SPRYD3: variants seen among roughly 807,000 people sequenced by gnomAD.
SPRYD3 encodes the protein SPRY domain containing 3.
SPRYD3 carries 17 observed loss-of-function variants against 50.1 expected under a neutral mutation model. That is an observed-to-expected ratio of 0.34 (90% CI 0.23 to 0.51). The LOEUF (loss-of-function observed/expected upper bound fraction) is 0.51. Ranked by LOEUF, SPRYD3 falls within the 20% of genes least tolerant of loss-of-function variation. The pLI, the probability that SPRYD3 is intolerant of heterozygous loss-of-function variation, is 0.97. For synonymous variants in SPRYD3, 198 were observed against 215.5 expected, an observed-to-expected ratio of 0.92 and a Z score of 0.71; for missense variants, 401 against 591.2, an observed-to-expected ratio of 0.68 and a Z score of 3.34.
Position 53,074,607 on chromosome 12 carries a change from C to T in SPRYD3, c.507+42G>A, listed in dbSNP as rs1944574762. On this transcript the variant is annotated intron_variant, in intron 5 of 10. Coordinates refer to ENST00000301463, the MANE Select transcript of SPRYD3 (RefSeq NM_032840.3). This position sits in a 1 kb window ranked among gnomAD's most constrained non-coding sequence, Gnocchi z 4.6. ...TAATCACTCCCCACAAATCCTTGGG[C>T]AGATTTCAGCCACGTAAATCCCACC... 6.2e-7 allele frequency: 1 copy of T among 1,612,960 alleles called. No individual in the cohort carries two copies.
In SPRYD3 at chr12:53,074,530, TG is replaced by T; in HGVS notation, c.507+118del. On this transcript the variant is annotated intron_variant, in intron 5 of 10. Transcript: ENST00000301463. This position sits in a 1 kb window ranked among gnomAD's most constrained non-coding sequence, Gnocchi z 4.6. ...GAATCTGAGGCTGGACTGGAGGAGATGGGAACTCAGTGCAAGGGTCCCTGGG... is the reference window on the plus strand; with the variant it reads ...GAATCTGAGGCTGGACTGGAGGAGATGGAACTCAGTGCAAGGGTCCCTGGG... The T allele has an allele frequency of 8.2e-7, 1 of 1,223,730 alleles. No homozygotes were observed. The highest frequency in any genetic ancestry group is 1.3e-5 in the South Asian group (1 of 74,268). The allele number at this position is 1,223,730 out of a possible 1,614,324, so 75.8% of individuals were successfully genotyped here.
Position 53,078,227 on chromosome 12 carries a change from G to T in SPRYD3, c.24-966C>A, listed in dbSNP as rs143715865. On this transcript the variant is annotated intron_variant, in intron 1 of 10. Coordinates refer to ENST00000301463, the MANE Select transcript of SPRYD3 (RefSeq NM_032840.3). ...CATGATCCTGGGCCTGGTGGCTCAC[G>T]TCTGTGATCCCAGCACTTTGGGAGG... The T allele has an allele frequency of 6.7e-5, 24 of 357,554 alleles. 1 individual carries two copies. Among genetic ancestry groups the T allele is most frequent in the African/African-American group, 4.7e-4 (22 of 46,338 alleles). The allele number at this position is 357,554 out of a possible 1,614,324, so 22.1% of individuals were successfully genotyped here.
chr12:53,066,504 C>A lies in SPRYD3; in HGVS notation c.1022-18G>T, dbSNP rs939892305. ...ACTGTCCCCTAGGAGACCAGGAAAC[C>A]TGAGCTCCTGTGGTGCCTTTCCACC... is the stretch of plus-strand genomic sequence containing the variant. On this transcript the variant is annotated intron_variant, in intron 9 of 10. Transcript: ENST00000301463. 1 of 1,614,034 alleles carries A rather than the reference C, an allele frequency of 6.2e-7. No individual in the cohort carries two copies. The highest frequency in any genetic ancestry group is 1.3e-5 in the African/African-American group (1 of 74,928).
At chr12:53,078,600 T>C (rs948912621) in intron 1 of SPRYD3, among the ~76,000 whole-genome samples, 3 of 152,124 alleles carry the variant, frequency 2.0e-5, no homozygotes, top group African/African-American at 7.2e-5. Context: ...ATTCAGACGT[T>C]GTTGCAGCAG....
At position 53,064,756 on chromosome 12, in the gene SPRYD3, A is replaced by C. The variant is rs1944486548; in HGVS notation, c.*1076T>G. The C allele has an allele frequency of 6.5e-6, 1 of 152,840 alleles. No homozygotes were observed. Among genetic ancestry groups the C allele is most frequent in the Admixed American group, 6.5e-5 (1 of 15,286 alleles). The allele number at this position is 152,840 out of a possible 1,614,324, so 9.5% of individuals were successfully genotyped here. On this transcript the variant is annotated 3_prime_UTR_variant, in exon 11 of 11. Transcript: ENST00000301463. ...CAGCCCTACCCGCTCTGTGCAAACCAAGGCCAACAGCTCCTGCTGCCTCTT... is the reference window on the plus strand; with the variant it reads ...CAGCCCTACCCGCTCTGTGCAAACCCAGGCCAACAGCTCCTGCTGCCTCTT...
At position 53,066,641 on chromosome 12, in the gene SPRYD3, C is replaced by T. The variant is rs1944511020; in HGVS notation, c.953G>A (p.Arg318His). ...GCCCATGATGTCCCCTTTGTAACAG[C>T]GTGGCCCAAAGGGGTCCCCCACACC... is the stretch of plus-strand genomic sequence containing the variant. ...GSGVGDPFGP[R>H]CYKGDIMGCG... Residue 318 changes from arginine (R) to histidine (H), a missense_variant, in exon 9 of 11, where the codon CGC becomes CAC. Arg to His is a conservative substitution (Grantham distance 29, BLOSUM62 0). Transcript: ENST00000301463. The T allele has an allele frequency of 1.4e-5, 23 of 1,613,884 alleles. No individual in the cohort carries two copies. Among genetic ancestry groups the T allele is most frequent in the Non-Finnish European group, 1.9e-5 (22 of 1,179,868 alleles).
At position 53,068,342 on chromosome 12, in the gene SPRYD3, C is replaced by G. The variant is rs367911323; in HGVS notation, c.694-38G>C. 1.8e-5 allele frequency: 29 copies of G among 1,607,348 alleles called. No homozygotes were observed. In the African/African-American group the frequency reaches 3.3e-4, roughly 18 times the overall value. ...AGCCAGATGGGGGTCAGGGGACAGGCTGACACCCACCCTGGAAACCTGGGC... is the reference window on the plus strand; with the variant it reads ...AGCCAGATGGGGGTCAGGGGACAGGGTGACACCCACCCTGGAAACCTGGGC... On this transcript the variant is annotated intron_variant, in intron 6 of 10. Coordinates refer to ENST00000301463, the MANE Select transcript of SPRYD3 (RefSeq NM_032840.3).
At chr12:53,076,406 T>A (rs1944589008) in intron 2 of SPRYD3, among the ~76,000 whole-genome samples, 1 of 150,330 alleles carries the variant, frequency 6.7e-6, no homozygotes, top group Non-Finnish European at 1.5e-5. Flanking sequence ...AATACAGGAG[T>A]TGGTGGACAG....
chr12:53,075,377 T>C (rs1350407140), intron 3 of SPRYD3, among the ~76,000 whole-genome samples, 158 bp from the exon 4 acceptor site: 2 of 152,138 alleles, frequency 1.3e-5, no homozygotes, highest in African/African-American at 4.8e-5. Flanking sequence ...GAGGGGGCAA[T>C]TGGTGAGAGT....
At chr12:53,066,242 T>TA (rs1944505179) in intron 10 of SPRYD3, 72 bp downstream of exon 10, 1 of 1,564,950 alleles carries the variant, frequency 6.4e-7, no homozygotes, top group Admixed American at 1.7e-5. Context: ...TTGTGAGTTC[T>TA]GTTCCCCACT....
intron 2 of SPRYD3, among the ~76,000 whole-genome samples, chr12:53,076,670 G>A (rs1253093673): frequency 6.6e-6 from 1 of 152,226 alleles, no homozygotes; most frequent in African/African-American, 2.4e-5. Context: ...GCAGAGGTGA[G>A]TGCAGGGTGA....
chr12:53,070,820 C>G (rs1944544246), intron 6 of SPRYD3, among the ~76,000 whole-genome samples: 1 of 152,222 alleles, frequency 6.6e-6, no homozygotes, highest in Non-Finnish European at 1.5e-5. Context: ...GACAACTCTA[C>G]CCTATGTGTC....
Position 53,074,857 on chromosome 12 carries a change from G to GCCTCAT in SPRYD3, c.372-79_372-74dup. ...CTTCTCCCCAGCACTGACAGCAGAG[G>GCCTCAT]CCTCATCCTCATCTTGCTGCTCCTG... On this transcript the variant is annotated intron_variant, in intron 4 of 10. Transcript: ENST00000301463. The surrounding 1 kb of genome is among the most constrained non-coding windows in gnomAD (Gnocchi z 4.6). 2 of 1,561,494 alleles carry GCCTCAT rather than the reference G, an allele frequency of 1.3e-6. No homozygotes were observed. Among genetic ancestry groups the GCCTCAT allele is most frequent in the African/African-American group, 1.4e-5 (1 of 73,938 alleles).
intron 1 of SPRYD3, among the ~76,000 whole-genome samples, chr12:53,077,744 C>T (rs1170931824): frequency 1.3e-5 from 2 of 152,108 alleles, no homozygotes; most frequent in African/African-American, 4.8e-5. Flanking sequence ...CAGAAAAAGG[C>T]ATGGACAGCT....
Position 53,075,142 on chromosome 12 carries a change from C to T in SPRYD3, c.324G>A (p.Gln108=). 1 of 1,614,018 alleles carries T rather than the reference C, an allele frequency of 6.2e-7. No individual in the cohort carries two copies. Among genetic ancestry groups the T allele is most frequent in the South Asian group, 1.1e-5 (1 of 91,084 alleles). The change falls in exon 4 of 11, where the codon CAG becomes CAA. Residue 108 remains glutamine (Q), a synonymous_variant. Coordinates refer to ENST00000301463, the MANE Select transcript of SPRYD3 (RefSeq NM_032840.3). The part of the protein sequence containing the change: ...LVPQYYSLDH[Q]PGWLPDSVAY... ...CTACAGAGTCAGGCAACCAGCCAGGCTGGTGATCCAAGCTGTAGTACTGAG... is the reference window on the plus strand; with the variant it reads ...CTACAGAGTCAGGCAACCAGCCAGGTTGGTGATCCAAGCTGTAGTACTGAG...
chr12:53,066,830 A>AG, intron 8 of SPRYD3, 138 bp from the exon 9 acceptor site: 1 of 1,163,894 alleles, frequency 8.6e-7, no homozygotes, highest in East Asian at 2.6e-5. Context: ...ATGGAGAGAG[A>AG]GGCCGGGCGC....
In SPRYD3 at chr12:53,074,488, C is replaced by A. The variant is rs747037354; in HGVS notation, c.507+161G>T. Among the ~76,000 whole-genome samples, 7 of 152,216 alleles carry A rather than the reference C, an allele frequency of 4.6e-5. No homozygotes were observed. The highest frequency in any genetic ancestry group is 1.2e-4 in the African/African-American group (5 of 41,456). On this transcript the variant is annotated intron_variant, in intron 5 of 10. Coordinates refer to ENST00000301463, the MANE Select transcript of SPRYD3 (RefSeq NM_032840.3). This position sits in a 1 kb window ranked among gnomAD's most constrained non-coding sequence, Gnocchi z 4.6. The stretch of plus-strand genomic sequence containing the variant: ...GCCATGGGAAGTATCTTCTCCTACA[C>A]GCAAGAGACTTCAGGAGAATCTGAG...
At position 53,075,137 on chromosome 12, in the gene SPRYD3, C is replaced by A. The variant is rs1480769391; in HGVS notation, c.329G>T (p.Gly110Val). The A allele has an allele frequency of 1.9e-6, 3 of 1,613,960 alleles. No homozygotes were observed. Among genetic ancestry groups the A allele is most frequent in the Admixed American group, 1.7e-5 (1 of 60,010 alleles). The stretch of plus-strand genomic sequence containing the variant: ...GTAGGCTACAGAGTCAGGCAACCAG[C>A]CAGGCTGGTGATCCAAGCTGTAGTA... ...PQYYSLDHQPGWLPDSVAYHA... is the reference protein window; with the variant it reads ...PQYYSLDHQPVWLPDSVAYHA... Residue 110 changes from glycine (G) to valine (V), a missense_variant, in exon 4 of 11, where the codon GGC (glycine) becomes GTC (valine). Coordinates refer to ENST00000301463, the MANE Select transcript of SPRYD3 (RefSeq NM_032840.3).
At chr12:53,072,044 T>TGGGGAC (rs1282408917) in intron 6 of SPRYD3, among the ~76,000 whole-genome samples, 1 of 151,934 alleles carries the variant, frequency 6.6e-6, no homozygotes, top group Non-Finnish European at 1.5e-5. Flanking sequence ...GAGAGCAGAG[T>TGGGGAC]GGGGACAGGT....
Sources: allele counts gnomAD v4.1 joint callset (sites outside exome capture counted in the v4.1 genomes callset), GRCh38; gene constraint gnomAD v4.1.1; non-coding constraint Gnocchi (gnomAD v3.1); transcripts MANE v1.5; gene names NCBI Gene and HGNC (gene_info 2026-07-23, HGNC 2026-07-21).